Variants in MYBPC2 observed in about 807,000 individuals in gnomAD.
The protein encoded by MYBPC2 is myosin binding protein C2, also known as myosin-binding protein C, fast-type.
Under a neutral mutation model 137.0 loss-of-function variants are expected in MYBPC2, and 122 were observed. The ratio of observed to expected loss-of-function variants is 0.89; its 90% CI spans 0.77 to 1.03. The LOEUF is 1.03. MYBPC2 is among the 50% of genes least tolerant of loss of function. The pLI is 0.00. For missense variants in MYBPC2, 1,500 were observed against 1,534.4 expected (o/e 0.98, Z 0.37); for synonymous variants, 626 against 612.3 (o/e 1.02, Z -0.33).
Position 50,459,266 on chromosome 19 carries a change from G to C in MYBPC2, c.2751G>C (p.Glu917Asp). 6.2e-7 allele frequency: 1 copy of C among 1,610,372 alleles called. No homozygotes were observed. Among genetic ancestry groups the C allele is most frequent in the East Asian group, 2.2e-5 (1 of 44,684 alleles). ...AGTACGAGCTGAGCGTGCAGATCGA[G>C]AACATGAAGGACACCGCCACCATCC... The part of the protein sequence containing the change: ...SGEYELSVQI[E>D]NMKDTATIRI... The change falls in exon 23 of 28, where the codon GAG becomes GAC. Residue 917 changes from glutamate to aspartate, a missense_variant. Coordinates refer to ENST00000357701, the MANE Select transcript of MYBPC2 (RefSeq NM_004533.4).
intron 20 of MYBPC2, 32 bp from the exon 21 acceptor site, chr19:50,458,554 CA>C: frequency 6.2e-7 from 1 of 1,604,168 alleles, no homozygotes; most frequent in Non-Finnish European, 8.5e-7. Context: ...GGGAGGAGGG[CA>C]CGAGATCCGC....
At chr19:50,437,131 CCT>C (rs2039711031) in intron 5 of MYBPC2, among the ~76,000 whole-genome samples, 1 of 151,820 alleles carries the variant, frequency 6.6e-6, no homozygotes, top group Admixed American at 6.6e-5. Context: ...TATATGGGCC[CCT>C]GAGGGTGTAT....
In MYBPC2 at chr19:50,445,923, GC is replaced by G; in HGVS notation, c.1180del (p.Arg394GlyfsTer29). 2 of 1,610,296 alleles carry G rather than the reference GC, an allele frequency of 1.2e-6. No homozygotes were observed. Among genetic ancestry groups the G allele is most frequent in the East Asian group, 4.5e-5 (2 of 44,774 alleles). On this transcript the variant is annotated frameshift_variant, in exon 12 of 28. Transcript: ENST00000357701. LOFTEE classifies it high-confidence loss of function. Reference sequence around the variant, plus strand: ...ACTGACTCGGGAGGATTCCTTCAAGGCCCGGTACCGCTTCAAGAAGGACGGG... The same window carrying G: ...ACTGACTCGGGAGGATTCCTTCAAGGCCGGTACCGCTTCAAGAAGGACGGG... Reference protein sequence around the residue: ...VELTREDSFKARYRFKKDGKR... With the variant: ...VELTREDSFKXRYRFKKDGKR...
In MYBPC2 at chr19:50,435,189, TGCCCCCAAAGGA is replaced by T. The variant is rs760987280; in HGVS notation, c.57_68del (p.Gly20_Lys23del). 4.1e-5 allele frequency: 57 copies of T among 1,380,032 alleles called. No homozygotes were observed. The African/African-American group carries it at 7.5e-4, about 18-fold the overall frequency. The allele number at this position is 1,380,032 out of a possible 1,614,324, so 85.5% of individuals were successfully genotyped here. On this transcript the variant is annotated inframe_deletion, in exon 2 of 28. Coordinates refer to ENST00000357701, the MANE Select transcript of MYBPC2 (RefSeq NM_004533.4). The surrounding 1 kb of genome is among the most constrained non-coding windows in gnomAD (Gnocchi z 4.8). ...CCAAAAAGGCCCCCAAAGGCAAAGA[TGCCCCCAAAGGA>T]GCCCCCAAGGAGGCTCCCCCTAAGG...
chr19:50,437,628 C>A, intron 6 of MYBPC2, 31 bp from the exon 7 acceptor site: 1 of 1,596,776 alleles, frequency 6.3e-7, no homozygotes, highest in Non-Finnish European at 8.5e-7. Flanking sequence ...TCTGAAGGGT[C>A]AAGACTCACA....
At position 50,435,128 on chromosome 19, in the gene MYBPC2, C is replaced by A. The variant is rs11669020; in HGVS notation, c.20-33C>A. ...GGGAGGGGCATGGGTGTGCAGACCG[C>A]ATGCTCAACTATGACTGTCCCCTAC... On this transcript the variant is annotated intron_variant, in intron 1 of 27. Transcript: ENST00000357701. The surrounding 1 kb of genome is among the most constrained non-coding windows in gnomAD (Gnocchi z 4.8). 0.32 allele frequency: 257,512 copies of A among 809,008 alleles called. 45,082 individuals are homozygous for A. The highest frequency in any genetic ancestry group is 0.4 in the Middle Eastern group (1,788 of 4,504). 50.1% of individuals were successfully genotyped at this position (809,008 alleles called of 1,614,324 possible).
chr19:50,459,981 A>C, intron 23 of MYBPC2, 59 bp from the exon 24 acceptor site: 1 of 1,537,958 alleles, frequency 6.5e-7, no homozygotes, highest in East Asian at 2.5e-5. Context: ...AGGGGAGGGG[A>C]GGGAAGCGGC....
In MYBPC2 at chr19:50,451,264, C is replaced by T; in HGVS notation, c.1580-16C>T. The T allele has an allele frequency of 6.2e-7, 1 of 1,613,688 alleles. No homozygotes were observed. The highest frequency in any genetic ancestry group is 1.1e-5 in the South Asian group (1 of 91,070). On this transcript the variant is annotated splice_polypyrimidine_tract_variant and intron_variant, in intron 14 of 27. Transcript: ENST00000357701. The stretch of plus-strand genomic sequence containing the variant: ...CTGAGTTTAGACCTAACTGTCCAGT[C>T]TTCTTTGTCTTGCAGAAATCAAGGT...
chr19:50,453,844 CTG>C (rs1284058854), intron 16 of MYBPC2, among the ~76,000 whole-genome samples, 174 bp from the exon 17 acceptor site: 6 of 151,980 alleles, frequency 3.9e-5, no homozygotes, highest in Non-Finnish European at 8.8e-5. Context: ...CCCGTCCAGT[CTG>C]GTGCTTTTAA....
chr19:50,450,710 C>A, intron 13 of MYBPC2, 119 bp from the exon 14 acceptor site: 1 of 690,882 alleles, frequency 1.4e-6, no homozygotes, highest in Non-Finnish European at 2.5e-6. Context: ...CGTTCCAAAG[C>A]CCTGGATAAG....
In MYBPC2 at chr19:50,465,206, C is replaced by T. The variant is rs7508505; in HGVS notation, c.3415+674C>T. Reference sequence around the variant, plus strand: ...CCAGCGCCCCTCCGCCTGGTGTTCACGGTGGTGTGTCCACCCCGGTTCTTC... The same window carrying T: ...CCAGCGCCCCTCCGCCTGGTGTTCATGGTGGTGTGTCCACCCCGGTTCTTC... On this transcript the variant is annotated intron_variant, in intron 27 of 27. Coordinates refer to ENST00000357701, the MANE Select transcript of MYBPC2 (RefSeq NM_004533.4). The surrounding 1 kb of genome is among the most constrained non-coding windows in gnomAD (Gnocchi z 4.5). 6.0e-3 allele frequency among the ~76,000 whole-genome samples: 921 copies of T among 152,234 alleles called. 10 individuals are homozygous for T. The highest frequency in any genetic ancestry group is 0.01 in the Non-Finnish European group (693 of 67,994).
chr19:50,437,440 C>T (rs1446529133), intron 5 of MYBPC2, 33 bp from the exon 6 acceptor site: 1 of 1,600,760 alleles, frequency 6.2e-7, no homozygotes, highest in Non-Finnish European at 8.5e-7. Flanking sequence ...TGGCCTCTAA[C>T]TCACCTTCCC....
chr19:50,466,103 C>T lies in MYBPC2; in HGVS notation c.3416-92C>T. 1.3e-6 allele frequency: 2 copies of T among 1,560,888 alleles called. No individual in the cohort carries two copies. Among genetic ancestry groups the T allele is most frequent in the Non-Finnish European group, 1.7e-6 (2 of 1,143,316 alleles). On this transcript the variant is annotated intron_variant, in intron 27 of 27. Transcript: ENST00000357701. This position sits in a 1 kb window ranked among gnomAD's most constrained non-coding sequence, Gnocchi z 4.9. ...GGGATGGTGACCGTCATCCTGTCCCCCTGCTGGTCATGTGGATGCAGCTCC... is the reference window on the plus strand; with the variant it reads ...GGGATGGTGACCGTCATCCTGTCCCTCTGCTGGTCATGTGGATGCAGCTCC...
At chr19:50,445,474 C>T (rs1463853500) in intron 11 of MYBPC2, among the ~76,000 whole-genome samples, 1 of 151,296 alleles carries the variant, frequency 6.6e-6, no homozygotes, top group African/African-American at 2.4e-5. Flanking sequence ...CTCACCTCAA[C>T]CTCTGCCTCC....
chr19:50,435,845 C>G lies in MYBPC2; in HGVS notation c.179C>G (p.Ser60Cys), dbSNP rs755087945. ...PTGVFLKKPD[S>C]VSVETGKDAV... ...GGCGTTTTCCTGAAGAAGCCGGACT[C>G]CGTCTCAGTGGAGACTGGTGAGGGG... Residue 60 changes from serine to cysteine, a missense_variant, in exon 3 of 28, where the codon TCC becomes TGC. Transcript: ENST00000357701. This position sits in a 1 kb window ranked among gnomAD's most constrained non-coding sequence, Gnocchi z 4.8. 1 of 1,600,534 alleles carries G rather than the reference C, an allele frequency of 6.2e-7. No homozygotes were observed. The highest frequency in any genetic ancestry group is 1.1e-5 in the South Asian group (1 of 88,446).
chr19:50,437,816 G>A (rs1313343374), intron 7 of MYBPC2, 98 bp downstream of exon 7: 7 of 1,337,982 alleles, frequency 5.2e-6, no homozygotes, highest in Non-Finnish European at 7.3e-6. Context: ...TGGACCCACT[G>A]CTTATCCCTC....
chr19:50,442,706 T>C (rs1430405647), intron 9 of MYBPC2, among the ~76,000 whole-genome samples: 1 of 151,912 alleles, frequency 6.6e-6, no homozygotes, highest in Non-Finnish European at 1.5e-5. Flanking sequence ...CACTCCAGCC[T>C]GGGCGACAGA....
At position 50,437,759 on chromosome 19, in the gene MYBPC2, A is replaced by G. The variant is rs373089216; in HGVS notation, c.572+41A>G. 16 of 1,574,062 alleles carry G rather than the reference A, an allele frequency of 1.0e-5. No individual in the cohort carries two copies. The African/African-American group carries it at 2.2e-4, about 21-fold the overall frequency. ...GGCACAGAGAGGGGAGATGGGACTC[A>G]AGGGGAGGAGGTGGTGGGTGAAGCT... On this transcript the variant is annotated intron_variant, in intron 7 of 27. Coordinates refer to ENST00000357701, the MANE Select transcript of MYBPC2 (RefSeq NM_004533.4).
At chr19:50,457,696 T>TC (rs1002779762) in intron 20 of MYBPC2, among the ~76,000 whole-genome samples, 1 of 150,434 alleles carries the variant, frequency 6.6e-6, no homozygotes, top group Non-Finnish European at 1.5e-5. Context: ...TTTTTTTTTT[T>TC]TTTGATGGAG....
Sources: allele counts gnomAD v4.1 joint callset (sites outside exome capture counted in the v4.1 genomes callset), GRCh38; gene constraint gnomAD v4.1.1; non-coding constraint Gnocchi (gnomAD v3.1); transcripts MANE v1.5; gene names NCBI Gene and HGNC (gene_info 2026-07-23, HGNC 2026-07-21).